Variants in NEK1 observed in about 807,000 individuals in gnomAD.
The protein encoded by NEK1 is serine/threonine-protein kinase Nek1.
A neutral mutation model predicts 182.1 loss-of-function variants in NEK1; 137 were observed. The observed-to-expected ratio is 0.75, with a 90% CI of 0.65 to 0.87. The LOEUF is 0.87. Ranked by LOEUF, NEK1 falls within the 40% of genes least tolerant of loss-of-function variation. The probability of loss-of-function intolerance (pLI) is 0.00; values close to 1 mark genes in which losing one functional copy is unlikely to be tolerated. For synonymous variants in NEK1, 513 were observed against 492.2 expected (o/e 1.04, Z -0.56); for missense variants, 1,391 against 1,494.4 (o/e 0.93, Z 1.14).
chr4:169,604,609 A>G (rs1025673535), intron 2 of NEK1, among the ~76,000 whole-genome samples: 5 of 152,192 alleles, frequency 3.3e-5, no homozygotes, highest in Non-Finnish European at 5.9e-5. Context: ...AAATTAAAAA[A>G]TCCATGTTCT....
At chr4:169,440,557 T>G (rs1206615828) in intron 27 of NEK1, among the ~76,000 whole-genome samples, 1 of 152,104 alleles carries the variant, frequency 6.6e-6, no homozygotes, top group Non-Finnish European at 1.5e-5. Context: ...AATAACACAT[T>G]GAATAGAGCA....
At chr4:169,570,944 G>A (rs933721368) in intron 12 of NEK1, among the ~76,000 whole-genome samples, 14 of 152,172 alleles carry the variant, frequency 9.2e-5, no homozygotes, top group Non-Finnish European at 1.3e-4. Flanking sequence ...TAAGGGCGGT[G>A]CAAGATGTGC....
chr4:169,466,455 G>A (rs1440071124), intron 26 of NEK1, among the ~76,000 whole-genome samples: 1 of 49,598 alleles, frequency 2.0e-5, no homozygotes, highest in East Asian at 1.5e-3. Flanking sequence ...TAAAAATGAG[G>A]GTAACAGAAG....
chr4:169,537,145 G>A (rs1166672072), intron 19 of NEK1, among the ~76,000 whole-genome samples: 2 of 152,080 alleles, frequency 1.3e-5, no homozygotes, highest in Non-Finnish European at 2.9e-5. Flanking sequence ...ATCATCAGTT[G>A]TTCTGTAGAC....
intron 12 of NEK1, among the ~76,000 whole-genome samples, chr4:169,572,808 C>T (rs1057285543): frequency 6.6e-6 from 1 of 152,098 alleles, no homozygotes; most frequent in Admixed American, 6.5e-5. Context: ...AGAAAAATGA[C>T]CCATGGATTT....
intron 29 of NEK1, among the ~76,000 whole-genome samples, chr4:169,428,353 T>TATATATATATATATATATATATATATAA (rs1358770464): frequency 7.2e-6 from 1 of 139,514 alleles, no homozygotes; most frequent in African/African-American, 2.5e-5. Context: ...ATATATGGGA[T>TATATATATATATATATATATATATATAA]ATATATATAT....
chr4:169,466,873 A>T (rs545781977), intron 26 of NEK1, among the ~76,000 whole-genome samples: 1 of 151,618 alleles, frequency 6.6e-6, no homozygotes, highest in Admixed American at 6.6e-5. Flanking sequence ...AAAAAAAAAT[A>T]GCACCAAAGG....
chr4:169,445,336 G>T (rs996002254), intron 27 of NEK1, among the ~76,000 whole-genome samples: 2 of 152,058 alleles, frequency 1.3e-5, no homozygotes, highest in Non-Finnish European at 2.9e-5. Context: ...AAGGTGAGAG[G>T]ATTGCTTGAG....
At chr4:169,417,716 C>T (rs1734783598) in intron 31 of NEK1, among the ~76,000 whole-genome samples, 1 of 152,182 alleles carries the variant, frequency 6.6e-6, no homozygotes, top group Non-Finnish European at 1.5e-5. Flanking sequence ...CCAGACTTAA[C>T]TTCCACAGGA....
At chr4:169,474,419 C>A (rs913380112) in intron 26 of NEK1, among the ~76,000 whole-genome samples, 1 of 152,192 alleles carries the variant, frequency 6.6e-6, no homozygotes, top group African/African-American at 2.4e-5. Flanking sequence ...ACATCCCCAC[C>A]AAGTAATACC....
At chr4:169,447,568 C>G (rs1339780167) in intron 27 of NEK1, among the ~76,000 whole-genome samples, 1 of 152,104 alleles carries the variant, frequency 6.6e-6, no homozygotes, top group African/African-American at 2.4e-5. Context: ...AGTAGAAAGA[C>G]TAAAAGATGA....
intron 16 of NEK1, among the ~76,000 whole-genome samples, chr4:169,556,806 T>C (rs1762232050): frequency 6.6e-6 from 1 of 151,724 alleles, no homozygotes; most frequent in Admixed American, 6.6e-5. Context: ...GAGATATTGT[T>C]TAATCTGGTC....
chr4:169,479,223 T>C (rs1747532671), intron 24 of NEK1, among the ~76,000 whole-genome samples, 180 bp downstream of exon 24: 1 of 152,142 alleles, frequency 6.6e-6, no homozygotes, highest in African/African-American at 2.4e-5. Flanking sequence ...TGGTCCTAGA[T>C]ATAAAACTTA....
chr4:169,428,899 A>G (rs1463522307), intron 29 of NEK1, among the ~76,000 whole-genome samples: 1 of 152,110 alleles, frequency 6.6e-6, no homozygotes, highest in Non-Finnish European at 1.5e-5. Flanking sequence ...TCCATTAATC[A>G]ATGTTTTAGA....
At chr4:169,496,331 C>T (rs1289229994) in intron 23 of NEK1, among the ~76,000 whole-genome samples, 2 of 151,594 alleles carry the variant, frequency 1.3e-5, no homozygotes, top group Admixed American at 6.6e-5. Flanking sequence ...TCTAGATATA[C>T]AATCATGTCA....
At chr4:169,544,918 T>TA (rs1003767512) in intron 18 of NEK1, among the ~76,000 whole-genome samples, 14 of 151,068 alleles carry the variant, frequency 9.3e-5, no homozygotes, top group East Asian at 1.9e-4. Flanking sequence ...TGTTGATCTT[T>TA]AAAAAAAAAC....
intron 26 of NEK1, among the ~76,000 whole-genome samples, chr4:169,475,865 T>C (rs1285358889): frequency 6.6e-6 from 1 of 151,826 alleles, no homozygotes; most frequent in Non-Finnish European, 1.5e-5. Flanking sequence ...AAAAAGACTA[T>C]CATCTATTAA....
At chr4:169,564,928 T>C (rs1219071931) in intron 12 of NEK1, among the ~76,000 whole-genome samples, 1 of 152,178 alleles carries the variant, frequency 6.6e-6, no homozygotes, top group East Asian at 1.9e-4. Flanking sequence ...TGATAAGCGG[T>C]ACTAAATCTC....
At chr4:169,401,012 G>A (rs1204676064) in intron 33 of NEK1, among the ~76,000 whole-genome samples, 1 of 151,876 alleles carries the variant, frequency 6.6e-6, no homozygotes, top group African/African-American at 2.4e-5. Flanking sequence ...AATAAACACG[G>A]GAAACACCAT....
Sources: allele counts gnomAD v4.1 joint callset (sites outside exome capture counted in the v4.1 genomes callset), GRCh38; gene constraint gnomAD v4.1.1; transcripts MANE v1.5; gene names NCBI Gene and HGNC (gene_info 2026-07-23, HGNC 2026-07-21).